BCL2L13: variants seen among roughly 807,000 people sequenced by gnomAD.
BCL2L13 encodes bcl-2-like protein 13.
In BCL2L13, 13 loss-of-function variants were observed where a neutral mutation model predicts 25.8. That is an observed-to-expected ratio of 0.50 (90% CI 0.33 to 0.80). The LOEUF is 0.80. Among genes scored for constraint, BCL2L13 ranks in the 30% least tolerant of loss-of-function variants. The pLI is 0.02. For synonymous variants in BCL2L13, 244 were observed against 230.3 expected (o/e 1.06, Z -0.54); for missense variants, 504 against 574.9 (o/e 0.88, Z 1.26).
intron 1 of BCL2L13, among the ~76,000 whole-genome samples, chr22:17,653,408 C>T (rs2058750304): frequency 6.6e-6 from 1 of 151,892 alleles, no homozygotes; most frequent in African/African-American, 2.4e-5. Context: ...TGCCTTCTTA[C>T]ATCTCTTGCT....
rs9618074 is a variant in BCL2L13 at position 17,629,076 on chromosome 22, T to C, written c.-650+71T>C. On this transcript the variant is annotated intron_variant, in intron 1 of 6. Coordinates refer to the BCL2L13 transcript ENST00000399782. ...ACAGGGTTATGGGCTTAGGGGTACA[T>C]GATTGTTGGCCGGGCGTGGTGGCTC... The C allele has an allele frequency of 0.042, 6,803 of 163,426 alleles. 493 individuals carry two copies. Among genetic ancestry groups the C allele is most frequent in the African/African-American group, 0.15 (6,405 of 41,832 alleles). The allele number at this position is 163,426 out of a possible 1,614,324, so 10.1% of individuals were successfully genotyped here.
intron 1 of BCL2L13, among the ~76,000 whole-genome samples, chr22:17,641,188 C>G (rs923571935): frequency 1.3e-5 from 2 of 151,974 alleles, no homozygotes; most frequent in Non-Finnish European, 2.9e-5. Flanking sequence ...CTGCGCCCGG[C>G]CTAAATAGAT....
chr22:17,717,531 C>A (rs567595732), intron 6 of BCL2L13, among the ~76,000 whole-genome samples: 56 of 152,160 alleles, frequency 3.7e-4, no homozygotes, highest in Middle Eastern at 6.8e-3. Flanking sequence ...TCAAGCTTAT[C>A]CTCCTGCCTG....
In BCL2L13 at chr22:17,658,103, A is replaced by C. The variant is rs1487626618; in HGVS notation, c.121+2271A>C. ...CCAAAGTGCTGGGATTACGGGCATG[A>C]GCCACCACGCCCGGCCGACATTTCT... is the stretch of plus-strand genomic sequence containing the variant. On this transcript the variant is annotated intron_variant, in intron 2 of 6. Transcript: ENST00000317582. Among the ~76,000 whole-genome samples, 3 of 151,864 alleles carry C rather than the reference A, an allele frequency of 2.0e-5. No homozygotes were observed. The East Asian group carries it at 5.8e-4, about 30-fold the overall frequency.
chr22:17,715,229 T>G (rs1289906445), intron 6 of BCL2L13, among the ~76,000 whole-genome samples: 1 of 126,548 alleles, frequency 7.9e-6, no homozygotes, highest in Non-Finnish European at 1.6e-5. Flanking sequence ...TTACCCAGGC[T>G]GGAGTACAGT....
chr22:17,632,666 A>G (rs2058048118), intron 1 of BCL2L13, among the ~76,000 whole-genome samples: 1 of 152,122 alleles, frequency 6.6e-6, no homozygotes, highest in Admixed American at 6.6e-5. Context: ...TTCTGAAATT[A>G]ATATCTGGAA....
chr22:17,712,669 G>C (rs1194818209), intron 6 of BCL2L13, among the ~76,000 whole-genome samples: 1 of 152,150 alleles, frequency 6.6e-6, no homozygotes, highest in Non-Finnish European at 1.5e-5. Flanking sequence ...TTCGGATTAT[G>C]TTCTGGCAAA....
intron 5 of BCL2L13, among the ~76,000 whole-genome samples, chr22:17,701,980 T>C (rs2060451280): frequency 6.6e-6 from 1 of 151,816 alleles, no homozygotes; most frequent in Admixed American, 6.6e-5. Context: ...AATTTCCTTC[T>C]ATATATGTTA....
intron 4 of BCL2L13, among the ~76,000 whole-genome samples, chr22:17,693,110 T>G (rs2060150657): frequency 6.6e-6 from 1 of 152,106 alleles, no homozygotes; most frequent in South Asian, 2.1e-4. Flanking sequence ...CCTGCCTTGC[T>G]GCTTTCCGGC....
rs1379456907 is a variant in BCL2L13, at chr22:17,727,269, TG to T, written c.1195del (p.Val399SerfsTer11). On this transcript the variant is annotated frameshift_variant, in exon 7 of 7. Coordinates refer to ENST00000317582, the MANE Select transcript of BCL2L13 (RefSeq NM_015367.4). LOFTEE classifies it low-confidence loss of function (END_TRUNC). The part of the protein sequence containing the change: ...ATTEPTEVEE[V>X]VPALEPTETL... ...ACTGAACCTACTGAAGTGGAGGAGG[TG>T]GTCCCCGCACTGGAACCCACAGAAA... 1 of 1,614,118 alleles carries T rather than the reference TG, an allele frequency of 6.2e-7. No individual in the cohort carries two copies. The highest frequency in any genetic ancestry group is 1.1e-5 in the South Asian group (1 of 91,080).
chr22:17,642,943 GTTTTCATTT>G (rs1040347873), intron 1 of BCL2L13, among the ~76,000 whole-genome samples: 11 of 151,990 alleles, frequency 7.2e-5, no homozygotes, highest in African/African-American at 2.4e-5. Context: ...GTGCAGATGC[GTTTTCATTT>G]TTCTCTGGTA....
At chr22:17,663,853 ATT>A (rs564698385) in intron 2 of BCL2L13, among the ~76,000 whole-genome samples, 9 of 90,458 alleles carry the variant, frequency 9.9e-5, no homozygotes, top group Non-Finnish European at 1.3e-4. Flanking sequence ...CGCCTGGCTA[ATT>A]TTTTTTTTTT....
In BCL2L13 at chr22:17,639,345, G is replaced by GTCT. The variant is rs1364076511; in HGVS notation, c.-51+461_-51+463dup. Among the ~76,000 whole-genome samples, 9 of 152,366 alleles carry GTCT rather than the reference G, an allele frequency of 5.9e-5. No individual in the cohort carries two copies. In the South Asian group the frequency reaches 1.0e-3, roughly 18 times the overall value. The stretch of plus-strand genomic sequence containing the variant: ...CGTTTCTTCTCAGAGATTGTTAGAA[G>GTCT]TCTTGTTTCTTAACCTTAATTCACT... On this transcript the variant is annotated intron_variant, in intron 1 of 6. Coordinates refer to ENST00000317582, the MANE Select transcript of BCL2L13 (RefSeq NM_015367.4).
At chr22:17,654,786 A>G (rs918203587) in intron 1 of BCL2L13, among the ~76,000 whole-genome samples, 1 of 151,634 alleles carries the variant, frequency 6.6e-6, no homozygotes, top group Non-Finnish European at 1.5e-5. Flanking sequence ...CAGTGGTGCA[A>G]TTATAACTCA....
intron 1 of BCL2L13, among the ~76,000 whole-genome samples, chr22:17,649,459 A>T (rs2146455386): frequency 6.6e-6 from 1 of 152,238 alleles, no homozygotes; most frequent in East Asian, 1.9e-4. Flanking sequence ...CTACCAAAGA[A>T]ATACTGAGAC....
At chr22:17,695,368 C>T (rs1346257636) in intron 4 of BCL2L13, among the ~76,000 whole-genome samples, 2 of 152,212 alleles carry the variant, frequency 1.3e-5, no homozygotes, top group Non-Finnish European at 2.9e-5. Context: ...ACTCCCAACA[C>T]TGGAGTTCAG....
intron 2 of BCL2L13, among the ~76,000 whole-genome samples, chr22:17,667,589 A>C (rs1025070430): frequency 6.6e-6 from 1 of 151,648 alleles, no homozygotes; most frequent in Non-Finnish European, 1.5e-5. Context: ...GCTCACTGCA[A>C]CCTCAGCCTC....
rs559817781 is a variant in BCL2L13 at position 17,648,867 on chromosome 22, C to T, written c.-50-6795C>T. Among the ~76,000 whole-genome samples, 54 of 152,214 alleles carry T rather than the reference C, an allele frequency of 3.5e-4. No individual in the cohort carries two copies. The South Asian group carries it at 5.8e-3, about 16-fold the overall frequency. On this transcript the variant is annotated intron_variant, in intron 1 of 6. Coordinates refer to ENST00000317582, the MANE Select transcript of BCL2L13 (RefSeq NM_015367.4). Reference sequence around the variant, plus strand: ...TGTCTCTGGCTTTTGGGTTGGCAAACGACTTCAGTGATGTGGATTCTTGAT... The same window carrying T: ...TGTCTCTGGCTTTTGGGTTGGCAAATGACTTCAGTGATGTGGATTCTTGAT...
At chr22:17,680,865 A>G (rs1015569427) in intron 2 of BCL2L13, among the ~76,000 whole-genome samples, 2 of 152,128 alleles carry the variant, frequency 1.3e-5, no homozygotes, top group African/African-American at 4.8e-5. Flanking sequence ...AGTAAGATTT[A>G]TGGCAGGCTG....
Sources: allele counts gnomAD v4.1 joint callset (sites outside exome capture counted in the v4.1 genomes callset), GRCh38; gene constraint gnomAD v4.1.1; transcripts MANE v1.5; gene names NCBI Gene and HGNC (gene_info 2026-07-23, HGNC 2026-07-21).